Variants in BTLA observed in about 807,000 individuals in gnomAD.
The protein encoded by BTLA is B and T lymphocyte associated, also known as B- and T-lymphocyte attenuator.
A neutral mutation model predicts 25.0 loss-of-function variants in BTLA; 11 were observed. That is an observed-to-expected ratio of 0.44 (90% CI 0.28 to 0.73). BTLA has a LOEUF of 0.73. Among genes scored for constraint, BTLA ranks in the 30% least tolerant of loss-of-function variants. BTLA has a pLI of 0.15. For synonymous variants in BTLA, 104 were observed against 119.8 expected, an observed-to-expected ratio of 0.87 and a Z score of 0.86; for missense variants, 282 against 332.8, an observed-to-expected ratio of 0.85 and a Z score of 1.19.
intron 4 of BTLA, among the ~76,000 whole-genome samples, chr3:112,468,117 T>A (rs1324143393): frequency 6.6e-6 from 1 of 152,268 alleles, no homozygotes; most frequent in Non-Finnish European, 1.5e-5. Flanking sequence ...CTTACATTCC[T>A]ATGGCAGGTT....
At chr3:112,471,462 A>C in intron 2 of BTLA, 107 bp from the exon 3 acceptor site, 1 of 1,220,238 alleles carries the variant, frequency 8.2e-7, no homozygotes, top group Non-Finnish European at 1.1e-6. Context: ...TTTCAGGCCA[A>C]TGCCTCCATT....
intron 2 of BTLA, among the ~76,000 whole-genome samples, chr3:112,472,619 G>A (rs1345530226): frequency 1.3e-5 from 2 of 152,074 alleles, no homozygotes; most frequent in Admixed American, 1.3e-4. Flanking sequence ...GCTTGAACTC[G>A]GTAGGTGGAG....
rs577946823 is a variant in BTLA at position 112,465,258 on chromosome 3, T to G, written c.*850A>C. ...CTTTAACTTGCTATCAAGTCAAGCA[T>G]GAAGCAGTTTAAGCTATCTTCACTT... On this transcript the variant is annotated 3_prime_UTR_variant, in exon 5 of 5. Coordinates refer to ENST00000334529, the MANE Select transcript of BTLA (RefSeq NM_181780.4). 1 of 152,656 alleles carries G rather than the reference T, an allele frequency of 6.6e-6. No individual in the cohort carries two copies. The highest frequency in any genetic ancestry group is 1.5e-5 in the Non-Finnish European group (1 of 68,038). 9.5% of individuals were successfully genotyped at this position (152,656 alleles called of 1,614,324 possible).
Position 112,465,805 on chromosome 3 carries a change from G to A in BTLA, c.*303C>T, listed in dbSNP as rs1026384428. On this transcript the variant is annotated 3_prime_UTR_variant, in exon 5 of 5. Transcript: ENST00000334529. The stretch of plus-strand genomic sequence containing the variant: ...TTCCAATAGCTTCAAAGGCAAGATC[G>A]AGTTTGTATATTGGGTAAAATGTAG... 1.4e-5 allele frequency: 3 copies of A among 218,546 alleles called. No homozygotes were observed. The highest frequency in any genetic ancestry group is 3.3e-4 in the South Asian group (2 of 5,992). 13.5% of individuals were successfully genotyped at this position (218,546 alleles called of 1,614,324 possible).
intron 1 of BTLA, among the ~76,000 whole-genome samples, chr3:112,482,823 A>T (rs1047416088): frequency 5.3e-5 from 8 of 152,202 alleles, no homozygotes; most frequent in Admixed American, 2.0e-4. Flanking sequence ...AAAGGGTAAA[A>T]TATTTTACCA....
Position 112,464,237 on chromosome 3 carries a change from A to T in BTLA, c.*1871T>A, listed in dbSNP as rs1211849295. On this transcript the variant is annotated 3_prime_UTR_variant, in exon 5 of 5. Transcript: ENST00000334529. ...ATTAATACATCTTAGAGATGAAATCATTATCAGCATTATCTTTACTATAAG... is the reference window on the plus strand; with the variant it reads ...ATTAATACATCTTAGAGATGAAATCTTTATCAGCATTATCTTTACTATAAG... The T allele has an allele frequency of 1.0e-5, 4 of 397,566 alleles. No individual in the cohort carries two copies. The highest frequency in any genetic ancestry group is 1.8e-5 in the Non-Finnish European group (4 of 225,380). 24.6% of individuals were successfully genotyped at this position (397,566 alleles called of 1,614,324 possible).
At chr3:112,494,553 A>G (rs1370533221) in intron 1 of BTLA, among the ~76,000 whole-genome samples, 1 of 152,232 alleles carries the variant, frequency 6.6e-6, no homozygotes, top group Non-Finnish European at 1.5e-5. Context: ...GTACATATAC[A>G]CCGTGGAATA....
rs781410475 is a variant in BTLA at position 112,479,493 on chromosome 3, T to A, written c.365A>T (p.Asn122Ile). The A allele has an allele frequency of 6.2e-7, 1 of 1,613,914 alleles. No individual in the cohort carries two copies. Among genetic ancestry groups the A allele is most frequent in the Admixed American group, 1.7e-5 (1 of 60,024 alleles). Reference protein sequence around the residue: ...SYRCSANFQSNLIESHSTTLY... With the variant: ...SYRCSANFQSILIESHSTTLY... Reference sequence around the variant, plus strand: ...AGTTGTTGAGTGGCTTTCAATGAGATTAGACTGAAAATTTGCAGAACAGCG... The same window carrying A: ...AGTTGTTGAGTGGCTTTCAATGAGAATAGACTGAAAATTTGCAGAACAGCG... The change falls in exon 2 of 5, where the codon AAT becomes ATT. Residue 122 changes from asparagine to isoleucine, a missense_variant. Transcript: ENST00000334529.
At chr3:112,475,718 A>G (rs2082285530) in intron 2 of BTLA, among the ~76,000 whole-genome samples, 1 of 152,224 alleles carries the variant, frequency 6.6e-6, no homozygotes, top group Admixed American at 6.5e-5. Context: ...AGAAAGACTG[A>G]ATTACACAAG....
intron 1 of BTLA, among the ~76,000 whole-genome samples, chr3:112,488,228 C>CTTTTTTTTT (rs546779181): frequency 2.6e-4 from 33 of 124,824 alleles, no homozygotes; most frequent in African/African-American, 5.9e-4. Flanking sequence ...TTTCTTTTTT[C>CTTTTTTTTT]TTTTTTTTTT....
intron 4 of BTLA, among the ~76,000 whole-genome samples, chr3:112,467,441 T>C (rs1053923137): frequency 6.6e-6 from 1 of 152,200 alleles, no homozygotes; most frequent in Non-Finnish European, 1.5e-5. Context: ...CTAGGGGCTA[T>C]TTCAGTTTTT....
At chr3:112,483,218 G>A (rs906620335) in intron 1 of BTLA, among the ~76,000 whole-genome samples, 3 of 142,322 alleles carry the variant, frequency 2.1e-5, no homozygotes, top group Admixed American at 7.4e-5. Context: ...GCATGATCTC[G>A]GCTCACCGTA....
intron 2 of BTLA, among the ~76,000 whole-genome samples, chr3:112,474,420 A>G (rs1447981039): frequency 6.6e-6 from 1 of 152,140 alleles, no homozygotes; most frequent in South Asian, 2.1e-4. Flanking sequence ...ATGCACACCT[A>G]GATTAAATTA....
chr3:112,479,935 A>G (rs1254489011), intron 1 of BTLA, among the ~76,000 whole-genome samples, 166 bp from the exon 2 acceptor site: 1 of 152,250 alleles, frequency 6.6e-6, no homozygotes, highest in Non-Finnish European at 1.5e-5. Context: ...TTAGGCATAT[A>G]ATAAATATGT....
At chr3:112,474,431 G>A (rs2082278542) in intron 2 of BTLA, among the ~76,000 whole-genome samples, 1 of 151,092 alleles carries the variant, frequency 6.6e-6, no homozygotes, top group African/African-American at 2.4e-5. Context: ...GATTAAATTA[G>A]TTTTAAATCC....
In BTLA at chr3:112,479,495, A is replaced by C; in HGVS notation, c.363T>G (p.Ser121=). The C allele has an allele frequency of 6.2e-7, 1 of 1,613,960 alleles. No individual in the cohort carries two copies. Among genetic ancestry groups the C allele is most frequent in the South Asian group, 1.1e-5 (1 of 91,070 alleles). Residue 121 remains serine, a synonymous_variant, in exon 2 of 5, where the codon TCT becomes TCG. Transcript: ENST00000334529. The part of the protein sequence containing the change: ...GSYRCSANFQ[S]NLIESHSTTL... ...TTGTTGAGTGGCTTTCAATGAGATT[A>C]GACTGAAAATTTGCAGAACAGCGGT...
chr3:112,476,892 CTA>C (rs760464701), intron 2 of BTLA, among the ~76,000 whole-genome samples: 1 of 152,140 alleles, frequency 6.6e-6, no homozygotes, highest in Non-Finnish European at 1.5e-5. Context: ...CTTTCTGTCT[CTA>C]TGGATTTGCC....
intron 4 of BTLA, 125 bp downstream of exon 4, chr3:112,469,633 A>ATAC (rs1559823237): frequency 0.03 from 1,490 of 49,642 alleles, 37 homozygotes; most frequent in Non-Finnish European, 0.057. Context: ...ATATATATAT[A>ATAC]TATATATATA....
At chr3:112,480,166 C>A (rs1293389430) in intron 1 of BTLA, among the ~76,000 whole-genome samples, 1 of 152,148 alleles carries the variant, frequency 6.6e-6, no homozygotes, top group African/African-American at 2.4e-5. Flanking sequence ...TCTCCCCCAC[C>A]CTTAAGAAGT....
Sources: gnomAD v4.1 joint callset for allele counts (sites outside exome capture counted in the v4.1 genomes callset) on GRCh38, gnomAD v4.1.1 for gene constraint, MANE v1.5 for transcripts, NCBI Gene and HGNC (gene_info 2026-07-23, HGNC 2026-07-21) for gene names.